Variants in SF3B3 observed in about 807,000 individuals in gnomAD.
SF3B3 encodes SAP 130.
SF3B3 carries 33 observed loss-of-function variants against 139.2 expected under a neutral mutation model. That is an observed-to-expected ratio of 0.24 (90% CI 0.18 to 0.32). The LOEUF (loss-of-function observed/expected upper bound fraction) is 0.32. Among genes scored for constraint, SF3B3 ranks in the 10% least tolerant of loss-of-function variants. The pLI, the probability that SF3B3 is intolerant of heterozygous loss-of-function variation, is 1.00. For synonymous variants in SF3B3, 596 were observed against 563.6 expected (o/e 1.06, Z -0.81); for missense variants, 818 against 1,509.4 (o/e 0.54, Z 7.59).
In SF3B3 at chr16:70,562,888, G is replaced by A. The variant is rs775867662; in HGVS notation, c.2289-988G>A. 3.9e-4 allele frequency among the ~76,000 whole-genome samples: 59 copies of A among 152,138 alleles called. 1 individual carries two copies. Among genetic ancestry groups the A allele is most frequent in the Middle Eastern group, 3.4e-3 (1 of 294 alleles). On this transcript the variant is annotated intron_variant, in intron 17 of 25. Coordinates refer to ENST00000302516, the MANE Select transcript of SF3B3 (RefSeq NM_012426.5). ...CTGTTGTACAGGTTGGAGTGCAGTG[G>A]TGTGATCATGGCTCACTGCAGCCCC...
intron 18 of SF3B3, 73 bp from the exon 19 acceptor site, chr16:70,564,992 G>T (rs2050462058): frequency 2.8e-6 from 4 of 1,420,084 alleles, no homozygotes; most frequent in Non-Finnish European, 4.0e-6. Context: ...GAGTGTTCTT[G>T]CTACCTATCC....
At chr16:70,565,631 T>G (rs1411920987) in intron 20 of SF3B3, 107 bp downstream of exon 20, 2 of 1,002,510 alleles carry the variant, frequency 2.0e-6, no homozygotes, top group African/African-American at 1.6e-5. Context: ...TTGATTCCAA[T>G]CTCTCTCTTA....
chr16:70,531,124 C>T (rs2050117168), intron 4 of SF3B3, among the ~76,000 whole-genome samples: 1 of 151,942 alleles, frequency 6.6e-6, no homozygotes, highest in South Asian at 2.1e-4. Flanking sequence ...AAGAAAATAG[C>T]CGGGCATCGT....
At position 70,529,120 on chromosome 16, in the gene SF3B3, C is replaced by G. The variant is rs1324374913; in HGVS notation, c.318C>G (p.Thr106=). ...KNMFEKIHQE[T]FGKSGCRRIV... The stretch of plus-strand genomic sequence containing the variant: ...TGTTTGAGAAGATTCACCAAGAAAC[C>G]TTTGGCAAGAGTGGATGCCGTCGCA... Residue 106 remains threonine (T), a synonymous_variant, in exon 3 of 26, where the codon ACC becomes ACG. Coordinates refer to ENST00000302516, the MANE Select transcript of SF3B3 (RefSeq NM_012426.5). 7 of 1,614,112 alleles carry G rather than the reference C, an allele frequency of 4.3e-6. No homozygotes were observed. Among genetic ancestry groups the G allele is most frequent in the African/African-American group, 2.7e-5 (2 of 74,948 alleles).
At chr16:70,537,137 G>T (rs900928937) in intron 6 of SF3B3, among the ~76,000 whole-genome samples, 1 of 152,084 alleles carries the variant, frequency 6.6e-6, no homozygotes, top group African/African-American at 2.4e-5. Context: ...CTGTCCCATA[G>T]TTTGTTTCCT....
In SF3B3 at chr16:70,544,496, C is replaced by A. The variant is rs531743300; in HGVS notation, c.1292C>A (p.Pro431His). ...PQLYVACGRGPRSSLRVLRHG... is the reference protein window; with the variant it reads ...PQLYVACGRGHRSSLRVLRHG... ...TTGTATGTGGCCTGTGGTAGGGGAC[C>A]CCGATCATCTCTGAGAGTCCTAAGA... The change falls in exon 10 of 26, where the codon CCC (proline) becomes CAC (histidine). Residue 431 changes from proline to histidine, a missense_variant. Coordinates refer to ENST00000302516, the MANE Select transcript of SF3B3 (RefSeq NM_012426.5). 1 of 1,611,956 alleles carries A rather than the reference C, an allele frequency of 6.2e-7. No homozygotes were observed. Among genetic ancestry groups the A allele is most frequent in the South Asian group, 1.1e-5 (1 of 91,028 alleles).
chr16:70,539,673 T>C (rs941337005), intron 8 of SF3B3, among the ~76,000 whole-genome samples: 4 of 152,184 alleles, frequency 2.6e-5, no homozygotes, highest in Non-Finnish European at 5.9e-5. Flanking sequence ...TTTCTTACCT[T>C]CCTTTATTTT....
chr16:70,564,742 A>C (rs929601326), intron 18 of SF3B3, among the ~76,000 whole-genome samples: 4 of 152,250 alleles, frequency 2.6e-5, no homozygotes, highest in African/African-American at 9.6e-5. Context: ...AAGGGAAATC[A>C]GATGGGTTGG....
intron 15 of SF3B3, among the ~76,000 whole-genome samples, chr16:70,560,079 C>T (rs1312147012): frequency 6.6e-6 from 1 of 152,146 alleles, no homozygotes; most frequent in African/African-American, 2.4e-5. Context: ...CTTGCCCCTG[C>T]CCCAAACTAG....
chr16:70,565,687 T>G, intron 20 of SF3B3, 163 bp downstream of exon 20: 1 of 644,272 alleles, frequency 1.6e-6, no homozygotes, highest in Non-Finnish European at 2.7e-6. Context: ...AGTGATGTTC[T>G]TGTGCCTGTG....
Position 70,561,708 on chromosome 16 carries a change from A to T in SF3B3, c.2212A>T (p.Thr738Ser), listed in dbSNP as rs1193916249. 6.2e-7 allele frequency: 1 copy of T among 1,613,670 alleles called. No homozygotes were observed. Among genetic ancestry groups the T allele is most frequent in the Non-Finnish European group, 8.5e-7 (1 of 1,179,922 alleles). ...CCATCTCACCCCACTGTCTTACGAGACACTGGAATTTGCATCGGGTTTTGC... is the reference window on the plus strand; with the variant it reads ...CCATCTCACCCCACTGTCTTACGAGTCACTGGAATTTGCATCGGGTTTTGC... Reference protein sequence around the residue: ...RFHLTPLSYETLEFASGFASE... With the variant: ...RFHLTPLSYESLEFASGFASE... The change falls in exon 17 of 26, where the codon ACA becomes TCA. Residue 738 changes from threonine (T) to serine (S), a missense_variant. By Grantham distance (58) the Thr-to-Ser change is moderately conservative. Coordinates refer to ENST00000302516, the MANE Select transcript of SF3B3 (RefSeq NM_012426.5).
At chr16:70,539,032 A>G in intron 7 of SF3B3, 72 bp from the exon 8 acceptor site, 2 of 1,076,340 alleles carry the variant, frequency 1.9e-6, no homozygotes, top group Non-Finnish European at 2.9e-6. Context: ...TTTGCTACTC[A>G]GCCTGTGCTG....
In SF3B3 at chr16:70,577,339, G is replaced by T. The variant is rs1597728388; in HGVS notation, c.*5526G>T. The T allele has an allele frequency of 6.6e-6, 1 of 152,260 alleles. No homozygotes were observed. Among genetic ancestry groups the T allele is most frequent in the Admixed American group, 6.5e-5 (1 of 15,278 alleles). 9.4% of individuals were successfully genotyped at this position (152,260 alleles called of 1,614,324 possible). On this transcript the variant is annotated 3_prime_UTR_variant, in exon 26 of 26. Coordinates refer to ENST00000302516, the MANE Select transcript of SF3B3 (RefSeq NM_012426.5). ...AGAGAGGGCACCGTGCGGTGTTCAG[G>T]CTTCTGTGAGGCCCCAGTGAGATCC...
At chr16:70,570,752 A>G (rs1421214397) in intron 24 of SF3B3, among the ~76,000 whole-genome samples, 1 of 152,190 alleles carries the variant, frequency 6.6e-6, no homozygotes, top group Non-Finnish European at 1.5e-5. Context: ...GATTGATGGG[A>G]TGATCCCTCC....
Position 70,573,058 on chromosome 16 carries a change from C to G in SF3B3, c.*1245C>G, listed in dbSNP as rs1024266836. The G allele has an allele frequency of 6.6e-6, 1 of 152,210 alleles. No homozygotes were observed. 9.4% of individuals were successfully genotyped at this position (152,210 alleles called of 1,614,324 possible). On this transcript the variant is annotated 3_prime_UTR_variant, in exon 26 of 26. Transcript: ENST00000302516. ...AGAATCAGGAATGGTGGAATACAAT[C>G]TGAACCTCTCAGAGCCCAGAACAGA...
At position 70,532,498 on chromosome 16, in the gene SF3B3, CAG is replaced by C; in HGVS notation, c.591_592del (p.Glu199SerfsTer4). Reference sequence around the variant, plus strand: ...CTGTAGGAAGCAGACAATGATCCAACAGGGGAAGCAGCAGCTAATACCCAGCA... The same window carrying C: ...CTGTAGGAAGCAGACAATGATCCAACGGGAAGCAGCAGCTAATACCCAGCA... On this transcript the variant is annotated frameshift_variant, in exon 5 of 26. Transcript: ENST00000302516. LOFTEE classifies it high-confidence loss of function. The C allele has an allele frequency of 6.2e-7, 1 of 1,614,046 alleles. No homozygotes were observed. The highest frequency in any genetic ancestry group is 8.5e-7 in the Non-Finnish European group (1 of 1,179,952).
Position 70,568,183 on chromosome 16 carries a change from T to C in SF3B3, c.2953-100T>C, listed in dbSNP as rs2078510233. ...AACTGCTGGTTTTTGGTATTTGCTG[T>C]TCTGCTGACCCTACGTATGTCATAC... On this transcript the variant is annotated intron_variant, in intron 21 of 25. Transcript: ENST00000302516. 3.3e-6 allele frequency: 3 copies of C among 896,900 alleles called. No individual in the cohort carries two copies. The Admixed American group carries it at 5.6e-5, about 17-fold the overall frequency. 55.6% of individuals were successfully genotyped at this position (896,900 alleles called of 1,614,324 possible).
chr16:70,561,529 T>C, intron 16 of SF3B3, 101 bp from the exon 17 acceptor site: 1 of 954,566 alleles, frequency 1.0e-6, no homozygotes, highest in South Asian at 1.6e-5. Flanking sequence ...CTTAGGATAC[T>C]CTGCAGACTG....
intron 6 of SF3B3, among the ~76,000 whole-genome samples, chr16:70,537,636 G>A (rs1339155899): frequency 2.6e-5 from 4 of 152,222 alleles, no homozygotes; most frequent in African/African-American, 9.7e-5. Flanking sequence ...AATTCTTCTT[G>A]TTAAGGGATA....
Sources: gnomAD v4.1 joint callset for allele counts (sites outside exome capture counted in the v4.1 genomes callset) on GRCh38, gnomAD v4.1.1 for gene constraint, MANE v1.5 for transcripts, NCBI Gene and HGNC (gene_info 2026-07-23, HGNC 2026-07-21) for gene names.